The following GPLD1 variants were observed in gnomAD, a reference collection of about 807,000 sequenced individuals.
GPLD1 encodes glycosylphosphatidylinositol specific phospholipase D1.
Under a neutral mutation model 112.6 loss-of-function variants are expected in GPLD1, and 84 were observed. The observed-to-expected ratio is 0.75, with a 90% CI of 0.63 to 0.89. The LOEUF (loss-of-function observed/expected upper bound fraction) is 0.89. Among genes scored for constraint, GPLD1 ranks in the 40% least tolerant of loss-of-function variants. The pLI is 0.00. For synonymous variants in GPLD1, 386 were observed against 403.8 expected (o/e 0.96, Z 0.53); for missense variants, 1,044 against 1,051.5 (o/e 0.99, Z 0.10).
chr6:24,474,946 C>CA (rs10646493), intron 5 of GPLD1, among the ~76,000 whole-genome samples, 175 bp downstream of exon 5: 10,004 of 108,466 alleles, frequency 0.092, 659 homozygotes, highest in African/African-American at 0.2. Flanking sequence ...GACTCCATCT[C>CA]AAAAAAAAAA....
Position 24,428,225 on chromosome 6 carries a change from A to C in GPLD1, c.*807T>G, listed in dbSNP as rs1762298818. On this transcript the variant is annotated 3_prime_UTR_variant, in exon 25 of 25. Transcript: ENST00000230036. ...TTTGATTGGCATGGGCCAATCTGTT[A>C]TTTTTAAGTTCAACTTTTTTTTAAC... 1 of 120,392 alleles carries C rather than the reference A, an allele frequency of 8.3e-6. No homozygotes were observed. Among genetic ancestry groups the C allele is most frequent in the Non-Finnish European group, 1.7e-5 (1 of 57,716 alleles). The allele number at this position is 120,392 out of a possible 1,614,324, so 7.5% of individuals were successfully genotyped here. A position where few individuals can be genotyped will look rare whatever the true frequency, so the allele number is the denominator to read the frequency against.
Position 24,436,616 on chromosome 6 carries a change from C to G in GPLD1, c.2318G>C (p.Gly773Ala), listed in dbSNP as rs749201248. Residue 773 changes from glycine to alanine, a missense_variant, in exon 22 of 25, where the codon GGC becomes GCC. Gly to Ala is a moderately conservative substitution (Grantham distance 60). Transcript: ENST00000230036. ...GKETTLGDMT[G>A]KCKSWITPCP... ...TGGAGTTATCCATGATTTGCATTTG[C>G]CAGTCATGTCACCAAGGGTGGTCTC... The G allele has an allele frequency of 6.2e-7, 1 of 1,613,892 alleles. No homozygotes were observed. The highest frequency in any genetic ancestry group is 1.3e-5 in the African/African-American group (1 of 74,936).
Position 24,446,838 on chromosome 6 carries a change from C to G in GPLD1, c.1820G>C (p.Arg607Thr), listed in dbSNP as rs1762924825. 14 of 1,613,278 alleles carry G rather than the reference C, an allele frequency of 8.7e-6. No homozygotes were observed. The highest frequency in any genetic ancestry group is 1.2e-5 in the Non-Finnish European group (14 of 1,179,658). ...VGSPTWKNAS[R>T]LGHLLHIRDE... ...TCCCAGCCCCCAGCATCAGCCTCACCTGCTGGCATTCTTCCAGGTCGGGCT... is the reference window on the plus strand; with the variant it reads ...TCCCAGCCCCCAGCATCAGCCTCACGTGCTGGCATTCTTCCAGGTCGGGCT... Residue 607 changes from arginine (R) to threonine (T), a missense_variant and splice_region_variant, in exon 18 of 25, where the codon AGG becomes ACG. Arg to Thr is a moderately conservative substitution (Grantham distance 71). Coordinates refer to ENST00000230036, the MANE Select transcript of GPLD1 (RefSeq NM_001503.4).
intron 20 of GPLD1, among the ~76,000 whole-genome samples, chr6:24,440,428 A>G (rs1561831589): frequency 6.6e-6 from 1 of 152,180 alleles, no homozygotes; most frequent in Non-Finnish European, 1.5e-5. Flanking sequence ...TGGGCAACAG[A>G]GCAAGACCCT....
intron 22 of GPLD1, among the ~76,000 whole-genome samples, chr6:24,435,452 A>G (rs575627865): frequency 1.3e-5 from 2 of 152,364 alleles, no homozygotes; most frequent in South Asian, 2.1e-4. Flanking sequence ...TTAGCTCTGC[A>G]GAGTGGAATT....
At position 24,449,811 on chromosome 6, in the gene GPLD1, C is replaced by T; in HGVS notation, c.1424G>A (p.Gly475Asp). The stretch of plus-strand genomic sequence containing the variant: ...TACTTTGTAGGTGAGCTGCTCGGAG[C>T]CCACCGAGGGAGCTCCCACGGCCAG... ...PDLAVGAPSV[G>D]SEQLTYKGAV... The change falls in exon 15 of 25, where the codon GGC becomes GAC. Residue 475 changes from glycine to aspartate, a missense_variant. Coordinates refer to ENST00000230036, the MANE Select transcript of GPLD1 (RefSeq NM_001503.4). 1 of 1,612,308 alleles carries T rather than the reference C, an allele frequency of 6.2e-7. No homozygotes were observed.
At chr6:24,432,592 T>C (rs933276929) in intron 24 of GPLD1, among the ~76,000 whole-genome samples, 2 of 152,034 alleles carry the variant, frequency 1.3e-5, no homozygotes, top group African/African-American at 4.8e-5. Context: ...CAGAGCAAGG[T>C]TCTGTATAAA....
intron 20 of GPLD1, 102 bp from the exon 21 acceptor site, chr6:24,437,391 A>C: frequency 8.9e-7 from 1 of 1,122,842 alleles, no homozygotes; most frequent in Non-Finnish European, 1.3e-6. Flanking sequence ...TCGGGATCCT[A>C]CAGGACAGTC....
In GPLD1 at chr6:24,466,923, C is replaced by G; in HGVS notation, c.670G>C (p.Ala224Pro). Residue 224 changes from alanine (A) to proline (P), a missense_variant, in exon 9 of 25, where the codon GCT (alanine) becomes CCT (proline). Physicochemically the swap from Ala to Pro is conservative, Grantham distance 27. Coordinates refer to ENST00000230036, the MANE Select transcript of GPLD1 (RefSeq NM_001503.4). ...QFLEMYGEML[A>P]VSKLYPTYST... ...AATGACGCCTTTACCTTGGAAACAG[C>G]TAGCATCTCACCATACCTGCAAAAT... 1 of 1,611,528 alleles carries G rather than the reference C, an allele frequency of 6.2e-7. No individual in the cohort carries two copies. The highest frequency in any genetic ancestry group is 1.1e-5 in the South Asian group (1 of 91,042).
intron 2 of GPLD1, among the ~76,000 whole-genome samples, chr6:24,480,705 C>T (rs1764173302): frequency 6.6e-6 from 1 of 152,084 alleles, no homozygotes; most frequent in Admixed American, 6.5e-5. Flanking sequence ...TAGATGGTAG[C>T]GGTTTTCTTC....
At chr6:24,489,679 T>A, upstream of GPLD1, 1 of 1,151,978 alleles carries the variant, frequency 8.7e-7, no homozygotes, top group Non-Finnish European at 1.2e-6. Context: ...TGAAGTCAAC[T>A]GTCCAACTAC....
chr6:24,439,099 C>G (rs191679959), intron 20 of GPLD1, among the ~76,000 whole-genome samples: 45 of 152,234 alleles, frequency 3.0e-4, no homozygotes, highest in Non-Finnish European at 4.3e-4. Flanking sequence ...CCTTTCTTTT[C>G]GTGCCTCCTA....
At chr6:24,441,552 A>C (rs762595909) in intron 20 of GPLD1, among the ~76,000 whole-genome samples, 4 of 152,210 alleles carry the variant, frequency 2.6e-5, no homozygotes, top group Non-Finnish European at 5.9e-5. Context: ...AAAGCTGCAT[A>C]TTCAGGGATG....
intron 22 of GPLD1, 138 bp downstream of exon 22, chr6:24,436,438 A>G: frequency 1.4e-6 from 1 of 710,682 alleles, no homozygotes; most frequent in Non-Finnish European, 2.3e-6. Flanking sequence ...GGGGCCCACA[A>G]AACATGGACA....
In GPLD1 at chr6:24,454,052, A is replaced by G; in HGVS notation, c.1298T>C (p.Leu433Pro). ...DLGLPPVDLDLDKEAHRILEG... is the reference protein window; with the variant it reads ...DLGLPPVDLDPDKEAHRILEG... ...AAGGATCCTGTGGGCCTCCTTGTCC[A>G]GGTCCAGGTCAACAGGTGGCAGGCC... Residue 433 changes from leucine (L) to proline (P), a missense_variant, in exon 14 of 25, where the codon CTG (leucine) becomes CCG (proline). Transcript: ENST00000230036. 6.2e-7 allele frequency: 1 copy of G among 1,613,338 alleles called. No homozygotes were observed. The highest frequency in any genetic ancestry group is 8.5e-7 in the Non-Finnish European group (1 of 1,179,448).
chr6:24,447,895 GGCCAGAATAAAACGCA>G lies in GPLD1; in HGVS notation c.1644_1659del (p.Ala549ProfsTer3), dbSNP rs1762963641. 1.9e-6 allele frequency: 3 copies of G among 1,613,950 alleles called. No individual in the cohort carries two copies. The highest frequency in any genetic ancestry group is 3.3e-4 in the Middle Eastern group (2 of 6,030). On this transcript the variant is annotated frameshift_variant, in exon 17 of 25. Transcript: ENST00000230036. LOFTEE classifies it high-confidence loss of function. ...GCACTACCTTTGTCGCTCAGGCTGG[GGCCAGAATAAAACGCA>G]GCCACAATTCCCTTCTGCTTCCCTC... is the stretch of plus-strand genomic sequence containing the variant.
chr6:24,450,041 T>G (rs1222924989), intron 14 of GPLD1, 142 bp from the exon 15 acceptor site: 3 of 586,834 alleles, frequency 5.1e-6, no homozygotes, highest in African/African-American at 1.9e-5. Flanking sequence ...CTATAACATA[T>G]CTGCAACACA....
chr6:24,457,467 TGA>T (rs1291368174), intron 12 of GPLD1, among the ~76,000 whole-genome samples: 1 of 152,126 alleles, frequency 6.6e-6, no homozygotes, highest in African/African-American at 2.4e-5. Flanking sequence ...AGCAACAGAA[TGA>T]GACTCTGTCT....
At chr6:24,443,672 T>C (rs1199510555) in intron 20 of GPLD1, among the ~76,000 whole-genome samples, 4 of 151,536 alleles carry the variant, frequency 2.6e-5, no homozygotes, top group Non-Finnish European at 1.5e-5. Flanking sequence ...CACTTGTTTT[T>C]TTGTTTTTTT....
Sources: allele counts gnomAD v4.1 joint callset (sites outside exome capture counted in the v4.1 genomes callset), GRCh38; gene constraint gnomAD v4.1.1; transcripts MANE v1.5; gene names NCBI Gene and HGNC (gene_info 2026-07-23, HGNC 2026-07-21).